Variants in ADAM22 observed in about 807,000 individuals in gnomAD.
ADAM22 encodes the protein ADAM metallopeptidase domain 22.
A neutral mutation model predicts 144.6 loss-of-function variants in ADAM22; 65 were observed. The observed-to-expected ratio is 0.45, with a 90% CI of 0.37 to 0.55. The LOEUF (loss-of-function observed/expected upper bound fraction) is 0.55. Among genes scored for constraint, ADAM22 ranks in the 20% least tolerant of loss-of-function variants. ADAM22 has a pLI of 0.00. For synonymous variants in ADAM22, 391 were observed against 412.6 expected (o/e 0.95, Z 0.63); for missense variants, 974 against 1,184.9 (o/e 0.82, Z 2.61).
chr7:88,145,192 C>T lies in ADAM22; in HGVS notation c.1388C>T (p.Pro463Leu), dbSNP rs372937043. The T allele has an allele frequency of 4.5e-5, 73 of 1,613,454 alleles. No homozygotes were observed. In the South Asian group the frequency reaches 4.8e-4, roughly 11 times the overall value. Reference protein sequence around the residue: ...ETGEECDCGTPAECVLEGAEC... With the variant: ...ETGEECDCGTLAECVLEGAEC... The stretch of plus-strand genomic sequence containing the variant: ...GGAGAGGAGTGTGATTGTGGAACCC[C>T]GGCCGTAAGTCTCTGGTTGTTTTGA... Residue 463 changes from proline (P) to leucine (L), a missense_variant, in exon 16 of 32, where the codon CCG becomes CTG. This residue lies in a region of ADAM22 where 734 missense variants were observed against 950.6 expected (regional missense o/e 0.77). Coordinates refer to ENST00000413139, the MANE Select transcript of ADAM22 (RefSeq NM_001324418.2).
At chr7:87,955,774 G>A (rs949438119) in intron 2 of ADAM22, among the ~76,000 whole-genome samples, 1 of 152,180 alleles carries the variant, frequency 6.6e-6, no homozygotes, top group African/African-American at 2.4e-5. Context: ...CTGTGGTGGG[G>A]TCCACCCAGT....
rs768380800 is a variant in ADAM22 at position 87,934,422 on chromosome 7, T to C, written c.-44T>C. 20 of 1,551,052 alleles carry C rather than the reference T, an allele frequency of 1.3e-5. No individual in the cohort carries two copies. The highest frequency in any genetic ancestry group is 1.6e-5 in the Non-Finnish European group (19 of 1,152,770). On this transcript the variant is annotated 5_prime_UTR_variant, in exon 1 of 32. An upstream start codon of the reference 5' UTR is lost. Coordinates refer to ENST00000413139, the MANE Select transcript of ADAM22 (RefSeq NM_001324418.2). ...GGAAACGGACTCGGCGGCGCCGGCA[T>C]GAGGAGCTGAGCGTCTCGGGCGAGG... is the stretch of plus-strand genomic sequence containing the variant.
intron 3 of ADAM22, among the ~76,000 whole-genome samples, chr7:88,061,341 A>G (rs1328970801): frequency 1.3e-5 from 2 of 152,178 alleles, no homozygotes; most frequent in Non-Finnish European, 2.9e-5. Flanking sequence ...TCTTAATGGC[A>G]TCTAGATGGG....
chr7:88,090,345 A>G (rs1228479219), intron 4 of ADAM22, among the ~76,000 whole-genome samples: 3 of 152,154 alleles, frequency 2.0e-5, no homozygotes, highest in Non-Finnish European at 4.4e-5. Context: ...AGGAGAGGAA[A>G]TTTTGGATGG....
intron 3 of ADAM22, among the ~76,000 whole-genome samples, chr7:88,027,801 T>C (rs1799348754): frequency 6.6e-6 from 1 of 152,036 alleles, no homozygotes; most frequent in Admixed American, 6.6e-5. Context: ...TTTGAGCTTT[T>C]CTACCTTTTT....
chr7:87,999,088 T>TTATTTTA (rs753016758), intron 3 of ADAM22, among the ~76,000 whole-genome samples: 1 of 152,198 alleles, frequency 6.6e-6, no homozygotes, highest in Non-Finnish European at 1.5e-5. Context: ...TTGAAAGCAT[T>TTATTTTA]TATTTTATAT....
chr7:88,024,162 A>G (rs1020606272), intron 3 of ADAM22, among the ~76,000 whole-genome samples: 6 of 152,194 alleles, frequency 3.9e-5, no homozygotes, highest in Non-Finnish European at 7.3e-5. Context: ...ATGGAAGTAC[A>G]GATGTCTGTT....
chr7:88,089,427 T>A (rs1446377024), intron 4 of ADAM22, among the ~76,000 whole-genome samples: 1 of 152,160 alleles, frequency 6.6e-6, no homozygotes, highest in Admixed American at 6.5e-5. Context: ...TTGGATGCAG[T>A]CTTTGAGATA....
chr7:87,981,145 T>C (rs1052046093), intron 3 of ADAM22, among the ~76,000 whole-genome samples: 3 of 152,178 alleles, frequency 2.0e-5, no homozygotes, highest in Non-Finnish European at 4.4e-5. Flanking sequence ...CAGAATTCTT[T>C]GATCCTTTAC....
chr7:88,012,028 G>GTTTTTT (rs1563020133), intron 3 of ADAM22, among the ~76,000 whole-genome samples: 1 of 114,480 alleles, frequency 8.7e-6, no homozygotes, highest in Non-Finnish European at 1.8e-5. Context: ...ATTGTGTTCT[G>GTTTTTT]TTTTTTTTTC....
At position 88,202,735 on chromosome 7, in the gene ADAM22, A is replaced by G. The variant is rs1768279379; in HGVS notation, c.*6244A>G. On this transcript the variant is annotated 3_prime_UTR_variant, in exon 32 of 32. Transcript: ENST00000413139. The stretch of plus-strand genomic sequence containing the variant: ...TACATTGTAGGTAAACAAAATCTTG[A>G]TGTTTTTAAAGGTCACTGTAACTTA... 2.6e-5 allele frequency: 4 copies of G among 152,186 alleles called. No homozygotes were observed. Among genetic ancestry groups the G allele is most frequent in the African/African-American group, 7.2e-5 (3 of 41,450 alleles). 9.4% of individuals were successfully genotyped at this position (152,186 alleles called of 1,614,324 possible). A position where few individuals can be genotyped will look rare whatever the true frequency, so the allele number is the denominator to read the frequency against.
intron 2 of ADAM22, among the ~76,000 whole-genome samples, chr7:87,948,167 TG>T (rs1343120508): frequency 6.6e-6 from 1 of 152,162 alleles, no homozygotes; most frequent in Non-Finnish European, 1.5e-5. Context: ...TGGTTTATTT[TG>T]TATTTCCCCC....
intron 3 of ADAM22, among the ~76,000 whole-genome samples, chr7:88,030,811 T>C (rs936996272): frequency 5.9e-5 from 9 of 152,080 alleles, no homozygotes; most frequent in African/African-American, 2.2e-4. Flanking sequence ...TGCAGAACCA[T>C]GAACTGATTA....
chr7:88,082,931 G>A (rs1311379158), intron 4 of ADAM22, among the ~76,000 whole-genome samples: 14 of 152,234 alleles, frequency 9.2e-5, no homozygotes, highest in East Asian at 1.9e-4. Flanking sequence ...TCAGTGTGGC[G>A]ATTCCTCAGG....
intron 3 of ADAM22, among the ~76,000 whole-genome samples, chr7:87,986,184 C>T (rs1291624857): frequency 6.6e-6 from 1 of 152,142 alleles, no homozygotes; most frequent in Non-Finnish European, 1.5e-5. Context: ...CCTTACATTT[C>T]TTGTTCTTTA....
At chr7:88,014,895 A>G (rs1796216849) in intron 3 of ADAM22, among the ~76,000 whole-genome samples, 1 of 152,236 alleles carries the variant, frequency 6.6e-6, no homozygotes, top group South Asian at 2.1e-4. Context: ...TCCTAAGCTA[A>G]GTCCCACCCA....
At chr7:88,038,319 T>G in intron 3 of ADAM22, among the ~76,000 whole-genome samples, 1 of 152,188 alleles carries the variant, frequency 6.6e-6, no homozygotes, top group East Asian at 1.9e-4. Flanking sequence ...ATGTTTTGGC[T>G]TATGGTTGTC....
chr7:88,070,338 C>G (rs988611913), intron 3 of ADAM22, among the ~76,000 whole-genome samples: 1 of 152,070 alleles, frequency 6.6e-6, no homozygotes, highest in Admixed American at 6.6e-5. Context: ...TAGCTGAGGC[C>G]CTTAATAGTT....
chr7:87,938,207 ATTTTTTT>A (rs59698275), intron 2 of ADAM22, among the ~76,000 whole-genome samples: 9 of 75,570 alleles, frequency 1.2e-4, no homozygotes, highest in South Asian at 9.2e-4. Context: ...ATACCCATAG[ATTTTTTT>A]TTTTTTTTTT....
Sources: gnomAD v4.1 joint callset for allele counts (sites outside exome capture counted in the v4.1 genomes callset) on GRCh38, gnomAD v4.1.1 for gene constraint, gnomAD v4.1.1 regional missense constraint, MANE v1.5 for transcripts, NCBI Gene and HGNC (gene_info 2026-07-23, HGNC 2026-07-21) for gene names.